Variants in CPSF1 observed in about 807,000 individuals in gnomAD.
CPSF1 encodes cleavage and polyadenylation specificity factor subunit 1.
Under a neutral mutation model 175.8 loss-of-function variants are expected in CPSF1, and 106 were observed. The ratio of observed to expected loss-of-function variants is 0.60; its 90% confidence interval spans 0.52 to 0.71. The LOEUF (loss-of-function observed/expected upper bound fraction) is 0.71. Ranked by LOEUF, CPSF1 falls within the 30% of genes least tolerant of loss-of-function variation. The pLI is 0.00. For synonymous variants in CPSF1, 1,024 were observed against 858.3 expected (o/e 1.19, Z -3.37); for missense variants, 1,734 against 2,022.9 (o/e 0.86, Z 2.74).
rs2116854395 is a variant in CPSF1, at chr8:144,398,760, G to A, written c.1638+19C>T. On this transcript the variant is annotated intron_variant, in intron 17 of 37. Coordinates refer to ENST00000616140, the MANE Select transcript of CPSF1 (RefSeq NM_013291.3). ...GCCGGTCCCATCCCAGGGCCTCCCT[G>A]CAGCAGGCTCGCACCTACCTCCTCC... The A allele has an allele frequency of 6.3e-7, 1 of 1,590,490 alleles. No individual in the cohort carries two copies. Among genetic ancestry groups the A allele is most frequent in the South Asian group, 1.1e-5 (1 of 88,426 alleles).
At position 144,401,576 on chromosome 8, in the gene CPSF1, C is replaced by T. The variant is rs2116885886; in HGVS notation, c.173-13G>A. ...TGGGCCTTCCCCTCTAGGGGAGACA[C>T]CAGGGCTCAGGGTCAGGGCCCAGCC... On this transcript the variant is annotated splice_polypyrimidine_tract_variant and intron_variant, in intron 3 of 37. Coordinates refer to ENST00000616140, the MANE Select transcript of CPSF1 (RefSeq NM_013291.3). 396 of 1,613,242 alleles carry T rather than the reference C, an allele frequency of 2.5e-4. 2 individuals carry two copies. In the Admixed American group the frequency reaches 5.2e-3, roughly 21 times the overall value.
rs1820729404 is a variant in CPSF1 at position 144,396,404 on chromosome 8, A to G, written c.2923T>C (p.Phe975Leu). 6.3e-7 allele frequency: 1 copy of G among 1,591,330 alleles called. No individual in the cohort carries two copies. The highest frequency in any genetic ancestry group is 1.3e-5 in the African/African-American group (1 of 74,724). The part of the protein sequence containing the change: ...PMAIDGPVDS[F>L]APFHNVNCPR... ...CAGTTGACATTGTGGAATGGAGCGA[A>G]AGAGTCGACCGGGCCGTCGATGGCC... is the stretch of plus-strand genomic sequence containing the variant. The change falls in exon 26 of 38, where the codon TTC becomes CTC. Residue 975 changes from phenylalanine (F) to leucine (L), a missense_variant. This residue lies in a region of CPSF1 where 585 missense variants were observed against 584.7 expected (regional missense o/e 1.00). Transcript: ENST00000616140.
In CPSF1 at chr8:144,396,754, C is replaced by T. The variant is rs782812611; in HGVS notation, c.2683-13G>A. 6.2e-7 allele frequency: 1 copy of T among 1,613,498 alleles called. No individual in the cohort carries two copies. The highest frequency in any genetic ancestry group is 8.5e-7 in the Non-Finnish European group (1 of 1,179,806). On this transcript the variant is annotated splice_polypyrimidine_tract_variant and intron_variant, in intron 24 of 37. Coordinates refer to ENST00000616140, the MANE Select transcript of CPSF1 (RefSeq NM_013291.3). The stretch of plus-strand genomic sequence containing the variant: ...TGTTGTGAGGGACCTGGGGGGGAAC[C>T]ATGCAGGTCCTCCAGGGGCTGCCGG...
chr8:144,393,516 T>C lies in CPSF1; in HGVS notation c.4220A>G (p.Tyr1407Cys). The C allele has an allele frequency of 6.3e-7, 1 of 1,591,442 alleles. No individual in the cohort carries two copies. The highest frequency in any genetic ancestry group is 8.5e-7 in the Non-Finnish European group (1 of 1,171,142). ...NVLDGELLNR[Y>C]LYLSTMERSE... ...GCGCTCCATGGTGCTCAGGTACAGG[T>C]AGCGGTTGAGCAGCTCCCCATCCAG... The change falls in exon 37 of 38, where the codon TAC (tyrosine) becomes TGC (cysteine). Residue 1407 changes from tyrosine (Y) to cysteine (C), a missense_variant. This residue lies in a region of CPSF1 where 323 missense variants were observed against 338.5 expected (regional missense o/e 0.95). Transcript: ENST00000616140.
intron 2 of CPSF1, among the ~76,000 whole-genome samples, chr8:144,401,965 A>G (rs1476142440): frequency 6.6e-6 from 1 of 152,184 alleles, no homozygotes; most frequent in Admixed American, 6.5e-5. Context: ...TCAGGGTTAG[A>G]GTGCACTCTG....
intron 2 of CPSF1, among the ~76,000 whole-genome samples, chr8:144,401,913 A>AC (rs1278880485): frequency 2.0e-5 from 3 of 151,922 alleles, no homozygotes; most frequent in Non-Finnish European, 4.4e-5. Context: ...GGAAGCCCCT[A>AC]CCTCACGGCT....
chr8:144,400,147 C>CCA lies in CPSF1; in HGVS notation c.937+17_937+18dup. 3 of 1,426,004 alleles carry CCA rather than the reference C, an allele frequency of 2.1e-6. No individual in the cohort carries two copies. Among genetic ancestry groups the CCA allele is most frequent in the South Asian group, 1.3e-5 (1 of 76,278 alleles). 88.3% of individuals were successfully genotyped at this position (1,426,004 alleles called of 1,614,324 possible). ...AAGCCGTCCCCGGGCCCCCCCCGCC[C>CCA]CAGCCACCCCACACTCACGAAGCGG... On this transcript the variant is annotated intron_variant, in intron 9 of 37. Transcript: ENST00000616140.
At position 144,401,636 on chromosome 8, in the gene CPSF1, CCA is replaced by C; in HGVS notation, c.172+8_172+9del. On this transcript the variant is annotated splice_region_variant and intron_variant, in intron 3 of 37. Transcript: ENST00000616140. ...ACCCGCACAGCCCCAGGCCGCCCCACCACACTCACCTGTGCTCCTGTCATTCT... is the reference window on the plus strand; with the variant it reads ...ACCCGCACAGCCCCAGGCCGCCCCACCACTCACCTGTGCTCCTGTCATTCT... The C allele has an allele frequency of 6.2e-7, 1 of 1,611,404 alleles. No individual in the cohort carries two copies. The highest frequency in any genetic ancestry group is 2.2e-5 in the East Asian group (1 of 44,792).
chr8:144,400,135 G>GGGGCCCCCCC, intron 9 of CPSF1, 31 bp downstream of exon 9: 70 of 895,852 alleles, frequency 7.8e-5, no homozygotes, highest in Non-Finnish European at 1.0e-4. Context: ...CCGTCCCCGG[G>GGGGCCCCCCC]CCCCCCCCGC....
chr8:144,404,442 T>G (rs2116898248), intron 2 of CPSF1, among the ~76,000 whole-genome samples: 1 of 151,616 alleles, frequency 6.6e-6, no homozygotes, highest in African/African-American at 2.4e-5. Context: ...CTTGGCTTAC[T>G]GCAAGCTCTG....
chr8:144,396,478 G>A lies in CPSF1; in HGVS notation c.2849C>T (p.Pro950Leu). ...YSGVFICGPS[P>L]HWLLVTGRGA... ...TCGGCCGGTCACCAAGAGCCAGTGA[G>A]GGGAGGGGCCGCAGATGAAGACCTG... Residue 950 changes from proline to leucine, a missense_variant, in exon 26 of 38, where the codon CCT becomes CTT. Physicochemically the swap from Pro to Leu is moderately conservative, Grantham distance 98. Around this residue, in one of 10 missense-constraint regions of CPSF1, gnomAD observed 585 missense variants for 584.7 expected, o/e 1.00. Coordinates refer to ENST00000616140, the MANE Select transcript of CPSF1 (RefSeq NM_013291.3). 6.2e-7 allele frequency: 1 copy of A among 1,608,654 alleles called. No homozygotes were observed. Among genetic ancestry groups the A allele is most frequent in the Non-Finnish European group, 8.5e-7 (1 of 1,178,286 alleles).
At chr8:144,401,120 C>A (rs782503704) in intron 5 of CPSF1, 45 bp from the exon 6 acceptor site, 2 of 1,549,250 alleles carry the variant, frequency 1.3e-6, no homozygotes, top group East Asian at 2.5e-5. Flanking sequence ...TAGGAGACCC[C>A]GAGGGAAACA....
rs1340137304 is a variant in CPSF1 at position 144,399,283 on chromosome 8, G to A, written c.1385C>T (p.Ser462Phe). Residue 462 changes from serine to phenylalanine, a missense_variant, in exon 14 of 38, where the codon TCC becomes TTC. This residue lies in a region of CPSF1 where 280 missense variants were observed against 349.2 expected (regional missense o/e 0.80). Coordinates refer to ENST00000616140, the MANE Select transcript of CPSF1 (RefSeq NM_013291.3). The surrounding 1 kb of genome is among the most constrained non-coding windows in gnomAD (Gnocchi z 6.4). ...CTGCTGCCTCAATCTCACCTCAAAG[G>A]AGTAGGTGGCCAGCTGTGTTCCCGA... Reference protein sequence around the residue: ...AQSGTQLATYSFEVCDSILNI... With the variant: ...AQSGTQLATYFFEVCDSILNI... 6.2e-7 allele frequency: 1 copy of A among 1,612,398 alleles called. No individual in the cohort carries two copies. The highest frequency in any genetic ancestry group is 8.5e-7 in the Non-Finnish European group (1 of 1,179,956).
chr8:144,403,204 C>G (rs1025088144), intron 2 of CPSF1, among the ~76,000 whole-genome samples: 1 of 151,678 alleles, frequency 6.6e-6, no homozygotes, highest in Non-Finnish European at 1.5e-5. Flanking sequence ...TCAAGCGATT[C>G]TCCTGTCTCA....
rs1224158623 is a variant in CPSF1, at chr8:144,401,381, C to T, written c.306+49G>A. On this transcript the variant is annotated intron_variant, in intron 4 of 37. Transcript: ENST00000616140. ...CAACGGCTGTACCCAGGCCCTGGCA[C>T]CCACTCCCACGCCTTGGCCAGGCCT... is the stretch of plus-strand genomic sequence containing the variant. 8.7e-6 allele frequency: 14 copies of T among 1,612,158 alleles called. No individual in the cohort carries two copies. The African/African-American group carries it at 1.7e-4, about 20-fold the overall frequency.
rs781810579 is a variant in CPSF1 at position 144,395,420 on chromosome 8, G to C, written c.3096+15C>G. ...GGCCCAGAAGGTCCCTGGTGGGGTG[G>C]GGGTGGGGGCAGACCTTAGACTCCA... On this transcript the variant is annotated intron_variant, in intron 27 of 37. Transcript: ENST00000616140. 1 of 1,612,884 alleles carries C rather than the reference G, an allele frequency of 6.2e-7. No homozygotes were observed. Among genetic ancestry groups the C allele is most frequent in the Non-Finnish European group, 8.5e-7 (1 of 1,179,798 alleles).
chr8:144,400,808 G>A lies in CPSF1; in HGVS notation c.549C>T (p.Ser183=), dbSNP rs1554866555. 1 of 1,613,536 alleles carries A rather than the reference G, an allele frequency of 6.2e-7. No individual in the cohort carries two copies. Among genetic ancestry groups the A allele is most frequent in the Non-Finnish European group, 8.5e-7 (1 of 1,179,930 alleles). The change falls in exon 7 of 38, where the codon TCC becomes TCT. Residue 183 remains serine, a synonymous_variant. Coordinates refer to ENST00000616140, the MANE Select transcript of CPSF1 (RefSeq NM_013291.3). ...CGATGATGTAGCTGGGCAGGAAGCT[G>A]GACCTCTGCCTGGGGGGCCAGGGGC... ...HEGLVGEGQR[S]SFLPSYIIDV...
chr8:144,397,575 C>A lies in CPSF1; in HGVS notation c.2297G>T (p.Ser766Ile). Residue 766 changes from serine to isoleucine, a missense_variant, in exon 22 of 38, where the codon AGC (serine) becomes ATC (isoleucine). This residue lies in a region of CPSF1 where 585 missense variants were observed against 584.7 expected (regional missense o/e 1.00). Transcript: ENST00000616140. ...SPSKEEARRS[S>I]QPPADRDPAP... ...AGGGTCCCGGTCAGCAGGGGGCTGG[C>A]TGCTTCTTCGGGCCTCCTCCTTGCT... The A allele has an allele frequency of 1.3e-6, 2 of 1,543,982 alleles. No homozygotes were observed. Among genetic ancestry groups the A allele is most frequent in the Admixed American group, 1.9e-5 (1 of 53,696 alleles).
At chr8:144,398,905 T>C in intron 16 of CPSF1, 37 bp from the exon 17 acceptor site, 2 of 1,609,582 alleles carry the variant, frequency 1.2e-6, no homozygotes, top group Non-Finnish European at 1.7e-6. Context: ...GATGGGGGTG[T>C]GAGCCCACCC....
Sources: gnomAD v4.1 joint callset for allele counts (sites outside exome capture counted in the v4.1 genomes callset) on GRCh38, gnomAD v4.1.1 for gene constraint, gnomAD v4.1.1 regional missense constraint, Gnocchi (gnomAD v3.1) non-coding constraint, MANE v1.5 for transcripts, NCBI Gene and HGNC (gene_info 2026-07-23, HGNC 2026-07-21) for gene names.